SCG5: variants seen among roughly 807,000 people sequenced by gnomAD.
SCG5 encodes the protein neuroendocrine protein 7B2.
A neutral mutation model predicts 25.7 loss-of-function variants in SCG5; 18 were observed. That is an observed-to-expected ratio of 0.70 (90% confidence interval 0.48 to 1.04). SCG5 has a LOEUF of 1.04. SCG5 is among the 50% of genes least tolerant of loss of function. The pLI is 0.00. For missense variants in SCG5, 206 were observed against 259.8 expected, an observed-to-expected ratio of 0.79 and a Z score of 1.42; for synonymous variants, 101 against 91.7, an observed-to-expected ratio of 1.10 and a Z score of -0.58.
At chr15:32,696,189 C>T (rs2054956957) in intron 5 of SCG5, among the ~76,000 whole-genome samples, 1 of 152,012 alleles carries the variant, frequency 6.6e-6, no homozygotes, top group South Asian at 2.1e-4. Context: ...ATGACGTCTG[C>T]TCACTGCAAG....
chr15:32,692,408 C>A, intron 5 of SCG5: 1 of 284,008 alleles, frequency 3.5e-6, no homozygotes, highest in Non-Finnish European at 5.3e-6. Context: ...TTAGCTACTT[C>A]ATATACAGTG....
intron 2 of SCG5, among the ~76,000 whole-genome samples, chr15:32,660,258 G>A (rs1410957450): frequency 1.3e-5 from 2 of 152,090 alleles, no homozygotes; most frequent in Non-Finnish European, 2.9e-5. Context: ...GCAGGGAGTG[G>A]TCAGCTTGCT....
At chr15:32,675,496 A>C (rs2054515623) in intron 2 of SCG5, among the ~76,000 whole-genome samples, 1 of 152,222 alleles carries the variant, frequency 6.6e-6, no homozygotes, top group Admixed American at 6.5e-5. Flanking sequence ...TATTGTCTAT[A>C]CTACAATACA....
chr15:32,696,660 C>T lies in SCG5; in HGVS notation c.*51C>T, dbSNP rs2054973867. The T allele has an allele frequency of 4.5e-6, 5 of 1,115,000 alleles. No individual in the cohort carries two copies. Among genetic ancestry groups the T allele is most frequent in the Non-Finnish European group, 6.8e-6 (5 of 737,362 alleles). The allele number at this position is 1,115,000 out of a possible 1,614,324, so 69.1% of individuals were successfully genotyped here. A position where few individuals can be genotyped will look rare whatever the true frequency, so the allele number is the denominator to read the frequency against. ...CATTACCTGTTAGGCCTCAGCATGG[C>T]TTATGTGCACGTGTAAATGGAGTCC... On this transcript the variant is annotated 3_prime_UTR_variant, in exon 6 of 6. Coordinates refer to ENST00000300175, the MANE Select transcript of SCG5 (RefSeq NM_001144757.3).
At chr15:32,693,230 G>T (rs1327244889) in intron 5 of SCG5, among the ~76,000 whole-genome samples, 3 of 152,096 alleles carry the variant, frequency 2.0e-5, no homozygotes, top group African/African-American at 7.2e-5. Flanking sequence ...CATTCCTTCT[G>T]CCCTGACTCA....
chr15:32,663,009 G>T (rs2054246738), intron 2 of SCG5, among the ~76,000 whole-genome samples: 1 of 129,932 alleles, frequency 7.7e-6, no homozygotes, highest in African/African-American at 2.9e-5. Context: ...GGGAAGAGAA[G>T]ATTAGGGCTG....
rs555480547 is a variant in SCG5 at position 32,691,367 on chromosome 15, A to G, written c.490-343A>G. 3.3e-5 allele frequency among the ~76,000 whole-genome samples: 5 copies of G among 152,318 alleles called. No homozygotes were observed. The East Asian group carries it at 7.7e-4, about 24-fold the overall frequency. ...AAAAGGGAGTTAGATACAAAAATAA[A>G]TGAGATAAAATCATTTGTTTTAAAC... is the stretch of plus-strand genomic sequence containing the variant. On this transcript the variant is annotated intron_variant, in intron 4 of 5. Coordinates refer to ENST00000300175, the MANE Select transcript of SCG5 (RefSeq NM_001144757.3).
At chr15:32,691,544 C>T (rs2054857058) in intron 4 of SCG5, among the ~76,000 whole-genome samples, 166 bp from the exon 5 acceptor site, 1 of 152,228 alleles carries the variant, frequency 6.6e-6, no homozygotes, top group Non-Finnish European at 1.5e-5. Flanking sequence ...CAGCTTTACT[C>T]TTGTGGTCTA....
intron 2 of SCG5, among the ~76,000 whole-genome samples, chr15:32,674,041 G>A (rs2054489594): frequency 6.6e-6 from 1 of 152,096 alleles, no homozygotes; most frequent in Non-Finnish European, 1.5e-5. Context: ...TTTTATATCC[G>A]AATGCCCTTT....
intron 4 of SCG5, 71 bp from the exon 5 acceptor site, chr15:32,691,639 T>A: frequency 8.0e-7 from 1 of 1,245,624 alleles, no homozygotes. Context: ...CAAGTATTGC[T>A]TTTAAAATAG....
chr15:32,692,659 C>T (rs554949654), intron 5 of SCG5, among the ~76,000 whole-genome samples: 1 of 152,258 alleles, frequency 6.6e-6, no homozygotes, highest in East Asian at 1.9e-4. Context: ...ACATACAAAC[C>T]TAAGCACGTA....
rs1567093875 is a variant in SCG5, at chr15:32,696,511, CAG to C, written c.544_545del. 3 of 1,603,608 alleles carry C rather than the reference CAG, an allele frequency of 1.9e-6. No homozygotes were observed. The highest frequency in any genetic ancestry group is 1.3e-5 in the African/African-American group (1 of 74,728). On this transcript the variant is annotated splice_acceptor_variant, in intron 5 of 5. Transcript: ENST00000300175. LOFTEE classifies it high-confidence loss of function. ...ACATGGTTTTTGTTTGTTTGTTTTT[CAG>C]AGTGTCAATCCATATCTACAAGGAC...
intron 4 of SCG5, among the ~76,000 whole-genome samples, chr15:32,688,440 C>T (rs937117271): frequency 2.0e-5 from 3 of 152,238 alleles, no homozygotes; most frequent in African/African-American, 7.2e-5. Context: ...AGACCCCTCC[C>T]TGACTTGCTT....
rs1555433850 is a variant in SCG5 at position 32,657,211 on chromosome 15, A to ATATATATATATATATATG, written c.226+13394_226+13395insATATATATATATATATGT. Among the ~76,000 whole-genome samples, 4 of 102,462 alleles carry ATATATATATATATATATG rather than the reference A, an allele frequency of 3.9e-5. 1 individual carries two copies. Among genetic ancestry groups the ATATATATATATATATATG allele is most frequent in the African/African-American group, 1.4e-4 (4 of 29,342 alleles). The allele number at this position is 102,462 out of a possible 152,430, so 67.2% of individuals were successfully genotyped here. A position where few individuals can be genotyped will look rare whatever the true frequency, so the allele number is the denominator to read the frequency against. On this transcript the variant is annotated intron_variant, in intron 2 of 5. Transcript: ENST00000300175. ...CTTTCATCCTCCTGTATATATATATATGTATGTATTTCCAGGTGTAAGTGG... is the reference window on the plus strand; with the variant it reads ...CTTTCATCCTCCTGTATATATATATATATATATATATATATATGTGTATGTATTTCCAGGTGTAAGTGG...
intron 2 of SCG5, among the ~76,000 whole-genome samples, chr15:32,670,574 G>T (rs932790081): frequency 1.3e-5 from 2 of 152,192 alleles, no homozygotes; most frequent in African/African-American, 4.8e-5. Context: ...GAGAGCTGAG[G>T]TGATAATATC....
chr15:32,647,729 G>T (rs914972861), intron 2 of SCG5, among the ~76,000 whole-genome samples: 2 of 152,172 alleles, frequency 1.3e-5, no homozygotes, highest in African/African-American at 4.8e-5. Context: ...ACTGTTTTAG[G>T]TACTGAGGAA....
chr15:32,688,786 G>C (rs1209564682), intron 4 of SCG5, among the ~76,000 whole-genome samples: 1 of 151,900 alleles, frequency 6.6e-6, no homozygotes, highest in South Asian at 2.1e-4. Context: ...GTGAAACCCC[G>C]TCTCTACTAA....
At chr15:32,691,043 T>C (rs1254557844) in intron 4 of SCG5, among the ~76,000 whole-genome samples, 3 of 152,060 alleles carry the variant, frequency 2.0e-5, no homozygotes, top group East Asian at 1.9e-4. Context: ...CTAGAGCTCA[T>C]TGAAGCCCAC....
At chr15:32,691,179 A>C (rs994294886) in intron 4 of SCG5, among the ~76,000 whole-genome samples, 1 of 152,118 alleles carries the variant, frequency 6.6e-6, no homozygotes, top group Non-Finnish European at 1.5e-5. Flanking sequence ...TAAAAGGTTC[A>C]CTCTATTAAA....
Sources: allele counts gnomAD v4.1 joint callset (sites outside exome capture counted in the v4.1 genomes callset), GRCh38; gene constraint gnomAD v4.1.1; transcripts MANE v1.5; gene names NCBI Gene and HGNC (gene_info 2026-07-23, HGNC 2026-07-21).